ST8SIA1: variants seen among roughly 807,000 people sequenced by gnomAD.
ST8SIA1 encodes the protein alpha-N-acetylneuraminide alpha-2,8-sialyltransferase.
A neutral mutation model predicts 35.9 loss-of-function variants in ST8SIA1; 16 were observed. That is an observed-to-expected ratio of 0.45 (90% CI 0.30 to 0.68). The LOEUF is 0.68. ST8SIA1 is among the 30% of genes least tolerant of loss of function. The pLI is 0.09. For synonymous variants in ST8SIA1, 170 were observed against 169.6 expected, an observed-to-expected ratio of 1.00 and a Z score of -0.02; for missense variants, 383 against 453.6, an observed-to-expected ratio of 0.84 and a Z score of 1.41.
intron 2 of ST8SIA1, among the ~76,000 whole-genome samples, chr12:22,274,159 T>G (rs1165828869): frequency 6.6e-6 from 1 of 152,176 alleles, no homozygotes; most frequent in Non-Finnish European, 1.5e-5. Context: ...AGAAGCAACA[T>G]TGTGGAAATT....
chr12:22,206,966 C>T, intron 4 of ST8SIA1, among the ~76,000 whole-genome samples: 1 of 152,068 alleles, frequency 6.6e-6, no homozygotes, highest in Non-Finnish European at 1.5e-5. Context: ...GTGCTGCTGG[C>T]AATTTAAAAA....
At chr12:22,332,219 C>A (rs376535064) in intron 1 of ST8SIA1, among the ~76,000 whole-genome samples, 3 of 152,180 alleles carry the variant, frequency 2.0e-5, no homozygotes, top group Non-Finnish European at 2.9e-5. Flanking sequence ...ATAAGTAATT[C>A]TCTGCACATA....
intron 4 of ST8SIA1, among the ~76,000 whole-genome samples, chr12:22,235,754 T>C (rs1422819402): frequency 6.6e-6 from 1 of 152,166 alleles, no homozygotes; most frequent in Non-Finnish European, 1.5e-5. Context: ...AGTCAACTGC[T>C]AAAGTGGCGT....
intron 1 of ST8SIA1, among the ~76,000 whole-genome samples, chr12:22,291,622 G>A (rs1266466120): frequency 6.6e-6 from 1 of 152,198 alleles, no homozygotes; most frequent in Non-Finnish European, 1.5e-5. Flanking sequence ...CAAACAGGGA[G>A]TGTCATCAGA....
chr12:22,291,355 C>T (rs1866173955), intron 1 of ST8SIA1, among the ~76,000 whole-genome samples: 1 of 152,188 alleles, frequency 6.6e-6, no homozygotes, highest in Admixed American at 6.5e-5. Flanking sequence ...ATGACTGATA[C>T]TTTTGTGTCC....
chr12:22,257,910 G>C (rs1224114411), intron 2 of ST8SIA1, among the ~76,000 whole-genome samples: 1 of 152,018 alleles, frequency 6.6e-6, no homozygotes, highest in Non-Finnish European at 1.5e-5. Context: ...ACTGCTATGA[G>C]AACAGGCTGT....
At chr12:22,208,342 A>G (rs963265194) in intron 4 of ST8SIA1, among the ~76,000 whole-genome samples, 1 of 152,126 alleles carries the variant, frequency 6.6e-6, no homozygotes, top group Non-Finnish European at 1.5e-5. Context: ...TTACCTATCT[A>G]GAATATACAA....
chr12:22,249,953 CT>C lies in ST8SIA1; in HGVS notation c.492-856del, dbSNP rs146871082. Among the ~76,000 whole-genome samples the C allele has an allele frequency of 7.7e-3, 1,174 of 152,258 alleles. 13 individuals are homozygous for C. The highest frequency in any genetic ancestry group is 0.027 in the African/African-American group (1,132 of 41,548). On this transcript the variant is annotated intron_variant, in intron 3 of 4. Transcript: ENST00000396037. ...TTCACTTAAATCACAGCATGTCTGA[CT>C]TGTGTGTGTGTGGCCAATGGGTAGG...
chr12:22,237,990 A>T (rs1250107961), intron 4 of ST8SIA1, among the ~76,000 whole-genome samples: 1 of 151,960 alleles, frequency 6.6e-6, no homozygotes. Flanking sequence ...TTTTAAATTG[A>T]TGCTGTAATG....
chr12:22,193,584 A>AT lies in ST8SIA1; in HGVS notation c.*7967_*7968insA, dbSNP rs1422953171. On this transcript the variant is annotated 3_prime_UTR_variant, in exon 5 of 5. Coordinates refer to ENST00000396037, the MANE Select transcript of ST8SIA1 (RefSeq NM_003034.4). ...TAGATTCGGTGGAAAGAAGCAAGTCAGCAGAACCAACAGAGATAGATACTA... is the reference window on the plus strand; with the variant it reads ...TAGATTCGGTGGAAAGAAGCAAGTCATGCAGAACCAACAGAGATAGATACTA... The AT allele has an allele frequency of 6.6e-6, 1 of 152,230 alleles. No individual in the cohort carries two copies. 9.4% of individuals were successfully genotyped at this position (152,230 alleles called of 1,614,324 possible).
intron 1 of ST8SIA1, among the ~76,000 whole-genome samples, chr12:22,304,589 T>C (rs1866360802): frequency 6.6e-6 from 1 of 152,196 alleles, no homozygotes; most frequent in African/African-American, 2.4e-5. Flanking sequence ...CTATTTGCTT[T>C]TGTATTTTGT....
chr12:22,200,548 T>C lies in ST8SIA1; in HGVS notation c.*1004A>G, dbSNP rs565514381. ...GAAACATATTCAAAGTTTCGCTCAATTCATTCTTGCATGTATGCATACATG... is the reference window on the plus strand; with the variant it reads ...GAAACATATTCAAAGTTTCGCTCAACTCATTCTTGCATGTATGCATACATG... On this transcript the variant is annotated 3_prime_UTR_variant, in exon 5 of 5. Coordinates refer to ENST00000396037, the MANE Select transcript of ST8SIA1 (RefSeq NM_003034.4). 1 of 152,328 alleles carries C rather than the reference T, an allele frequency of 6.6e-6. No homozygotes were observed. Among genetic ancestry groups the C allele is most frequent in the East Asian group, 1.9e-4 (1 of 5,182 alleles). The allele number at this position is 152,328 out of a possible 1,614,324, so 9.4% of individuals were successfully genotyped here. A position where few individuals can be genotyped will look rare whatever the true frequency, so the allele number is the denominator to read the frequency against.
chr12:22,244,123 A>G (rs561438626), intron 4 of ST8SIA1, among the ~76,000 whole-genome samples: 1 of 152,336 alleles, frequency 6.6e-6, no homozygotes, highest in South Asian at 2.1e-4. Context: ...CTCGAACTCA[A>G]TTATGTCAAA....
At chr12:22,258,336 T>C (rs1865750462) in intron 2 of ST8SIA1, among the ~76,000 whole-genome samples, 1 of 152,016 alleles carries the variant, frequency 6.6e-6, no homozygotes, top group Non-Finnish European at 1.5e-5. Flanking sequence ...GGGAAGTGAA[T>C]ACATGACTAT....
intron 4 of ST8SIA1, among the ~76,000 whole-genome samples, chr12:22,241,832 G>A (rs1439807662): frequency 1.3e-5 from 2 of 151,954 alleles, no homozygotes; most frequent in African/African-American, 4.8e-5. Flanking sequence ...ATGTCCCAGA[G>A]TAGATTTCAA....
At chr12:22,270,583 C>T (rs1314871261) in intron 2 of ST8SIA1, among the ~76,000 whole-genome samples, 1 of 151,814 alleles carries the variant, frequency 6.6e-6, no homozygotes, top group Non-Finnish European at 1.5e-5. Flanking sequence ...ATAATTTTTC[C>T]TCTAAATCTA....
chr12:22,324,468 C>T lies in ST8SIA1; in HGVS notation c.236+9529G>A, dbSNP rs911557379. On this transcript the variant is annotated intron_variant, in intron 1 of 4. Transcript: ENST00000396037. ...ATTAATTAAATACATTTGTATCTAT[C>T]CTAACAATGGAAAATCTTACAGCCA... 2.0e-5 allele frequency: 3 copies of T among 152,156 alleles called. No homozygotes were observed. In the South Asian group the frequency reaches 6.2e-4, roughly 32 times the overall value. 9.4% of individuals were successfully genotyped at this position (152,156 alleles called of 1,614,324 possible).
chr12:22,236,814 A>G (rs1186490790), intron 4 of ST8SIA1, among the ~76,000 whole-genome samples: 1 of 152,250 alleles, frequency 6.6e-6, no homozygotes, highest in Non-Finnish European at 1.5e-5. Flanking sequence ...AGAAAGAAAG[A>G]AGATAAATGG....
chr12:22,223,088 T>A (rs981455743), intron 4 of ST8SIA1, among the ~76,000 whole-genome samples: 8 of 152,188 alleles, frequency 5.3e-5, no homozygotes, highest in African/African-American at 1.4e-4. Flanking sequence ...TGTTTGCTTG[T>A]TTTGATGGGA....
Sources: allele counts gnomAD v4.1 joint callset (sites outside exome capture counted in the v4.1 genomes callset), GRCh38; gene constraint gnomAD v4.1.1; transcripts MANE v1.5; gene names NCBI Gene and HGNC (gene_info 2026-07-23, HGNC 2026-07-21).